HPSE2: variants seen among roughly 807,000 people sequenced by gnomAD.
HPSE2 encodes the protein inactive heparanase-2.
Under a neutral mutation model 60.5 loss-of-function variants are expected in HPSE2, and 38 were observed. The ratio of observed to expected loss-of-function variants is 0.63; its 90% CI spans 0.48 to 0.82. The LOEUF (loss-of-function observed/expected upper bound fraction) is 0.82. HPSE2 is among the 40% of genes least tolerant of loss of function. HPSE2 has a pLI of 0.00. For synonymous variants in HPSE2, 295 were observed against 293.2 expected (o/e 1.01, Z -0.06); for missense variants, 713 against 740.4 (o/e 0.96, Z 0.43).
intron 9 of HPSE2, among the ~76,000 whole-genome samples, chr10:98,499,948 G>A (rs1361406297): frequency 3.3e-5 from 5 of 152,124 alleles, no homozygotes; most frequent in Non-Finnish European, 5.9e-5. Flanking sequence ...AATGGTAAAA[G>A]GCCTTGGCTA....
intron 9 of HPSE2, among the ~76,000 whole-genome samples, chr10:98,611,094 G>C (rs970619207): frequency 4.6e-5 from 7 of 152,218 alleles, no homozygotes; most frequent in African/African-American, 7.2e-5. Context: ...CCAGTGTTGG[G>C]GGGGGCCAGG....
intron 9 of HPSE2, among the ~76,000 whole-genome samples, chr10:98,608,011 A>G (rs772923977): frequency 2.0e-5 from 3 of 152,214 alleles, no homozygotes; most frequent in Non-Finnish European, 2.9e-5. Flanking sequence ...TAAAAGATAC[A>G]TATTCATTGG....
chr10:98,842,110 C>T (rs1195376763), intron 3 of HPSE2, among the ~76,000 whole-genome samples: 1 of 152,196 alleles, frequency 6.6e-6, no homozygotes, highest in Admixed American at 6.5e-5. Context: ...GGCCCAGACA[C>T]TCAATAAATT....
chr10:99,258,359 A>G, the HPSE2 span, among the ~76,000 whole-genome samples: 5 of 152,020 alleles, frequency 3.3e-5, no homozygotes, highest in Non-Finnish European at 5.9e-5. Context: ...ACATTGAGAG[A>G]TAAATGAAAG....
At chr10:98,595,624 A>T (rs1192484833) in intron 9 of HPSE2, among the ~76,000 whole-genome samples, 1 of 152,094 alleles carries the variant, frequency 6.6e-6, no homozygotes, top group Non-Finnish European at 1.5e-5. Flanking sequence ...GGATTTCCTT[A>T]TATAAGATCA....
At chr10:99,228,886 C>T (rs1267757188) in intron 2 of HPSE2, among the ~76,000 whole-genome samples, 1 of 152,070 alleles carries the variant, frequency 6.6e-6, no homozygotes, top group African/African-American at 2.4e-5. Flanking sequence ...AACAAAATCA[C>T]ATCGGGGCCA....
intron 2 of HPSE2, among the ~76,000 whole-genome samples, chr10:99,216,260 T>C (rs1031101447): frequency 1.4e-5 from 2 of 144,334 alleles, no homozygotes; most frequent in Admixed American, 7.2e-5. Flanking sequence ...AGTGGCACGA[T>C]CTTGGCTCAC....
chr10:99,220,504 G>A (rs925686186), intron 2 of HPSE2, among the ~76,000 whole-genome samples: 3 of 152,096 alleles, frequency 2.0e-5, no homozygotes, highest in Non-Finnish European at 4.4e-5. Flanking sequence ...TATACCTATG[G>A]AGTAGAACTG....
At chr10:98,904,445 T>G (rs2134992999) in intron 3 of HPSE2, among the ~76,000 whole-genome samples, 1 of 152,282 alleles carries the variant, frequency 6.6e-6, no homozygotes, top group East Asian at 1.9e-4. Flanking sequence ...AAGAGAAATC[T>G]TATTTAGTAA....
chr10:98,596,621 G>C (rs904977895), intron 9 of HPSE2, among the ~76,000 whole-genome samples: 2 of 151,870 alleles, frequency 1.3e-5, no homozygotes, highest in African/African-American at 4.8e-5. Flanking sequence ...AAGTATTCTT[G>C]GTTGGCAGGT....
At chr10:98,711,195 A>G (rs944999891) in intron 5 of HPSE2, among the ~76,000 whole-genome samples, 7 of 152,068 alleles carry the variant, frequency 4.6e-5, no homozygotes, top group African/African-American at 1.7e-4. Flanking sequence ...CTGCTGAGGA[A>G]GTTGTAAAGA....
intron 9 of HPSE2, among the ~76,000 whole-genome samples, chr10:98,545,725 C>G (rs906387789): frequency 1.3e-5 from 2 of 151,842 alleles, no homozygotes; most frequent in African/African-American, 4.8e-5. Context: ...TGGAAGCATT[C>G]CCTTTGAAAA....
chr10:98,743,923 G>C lies in HPSE2; in HGVS notation c.744C>G (p.Ser248Arg), dbSNP rs763745491. 9.3e-6 allele frequency: 15 copies of C among 1,613,968 alleles called. No individual in the cohort carries two copies. The highest frequency in any genetic ancestry group is 1.3e-5 in the Non-Finnish European group (15 of 1,179,898). Residue 248 changes from serine (S) to arginine (R), a missense_variant, in exon 4 of 12, where the codon AGC becomes AGG. Transcript: ENST00000370552. ...AAGAAATGTTGTACTTTTTGCTGGC[G>C]CTGTACTTCAACAGACTCAGGGCAC... ...SSSALSLLKY[S>R]ASKKYNISWE...
intron 9 of HPSE2, among the ~76,000 whole-genome samples, chr10:98,522,538 G>A (rs1213163280): frequency 6.6e-6 from 1 of 152,140 alleles, no homozygotes; most frequent in Non-Finnish European, 1.5e-5. Flanking sequence ...GCAATGGCAT[G>A]ATCTCAGCTC....
chr10:99,297,742 C>G, the HPSE2 span, among the ~76,000 whole-genome samples: 1 of 152,056 alleles, frequency 6.6e-6, no homozygotes, highest in Admixed American at 6.5e-5. Flanking sequence ...CTGCTGGCCA[C>G]CCCCTGGGTG....
intron 1 of HPSE2, among the ~76,000 whole-genome samples, chr10:99,233,098 C>T (rs1849719885): frequency 6.6e-6 from 1 of 152,214 alleles, no homozygotes; most frequent in South Asian, 2.1e-4. Flanking sequence ...GTTGATTTTC[C>T]TTTTTCACTA....
chr10:98,762,663 G>C (rs936149304), intron 3 of HPSE2, among the ~76,000 whole-genome samples: 1 of 152,034 alleles, frequency 6.6e-6, no homozygotes, highest in African/African-American at 2.4e-5. Context: ...CCATGCATGG[G>C]AGATGAGACC....
chr10:98,734,536 A>G (rs1469100683), intron 4 of HPSE2, among the ~76,000 whole-genome samples: 2 of 116,894 alleles, frequency 1.7e-5, no homozygotes, highest in Non-Finnish European at 4.3e-5. Flanking sequence ...TTTCCTTTTT[A>G]AAATTTGGCC....
At chr10:98,801,719 C>T (rs1950912747) in intron 3 of HPSE2, among the ~76,000 whole-genome samples, 2 of 151,936 alleles carry the variant, frequency 1.3e-5, no homozygotes, top group South Asian at 2.1e-4. Flanking sequence ...AAAGATATTC[C>T]ATGTTCATGG....
Sources: allele counts gnomAD v4.1 joint callset (sites outside exome capture counted in the v4.1 genomes callset), GRCh38; gene constraint gnomAD v4.1.1; transcripts MANE v1.5; gene names NCBI Gene and HGNC (gene_info 2026-07-23, HGNC 2026-07-21).